CSMD1: variants seen among roughly 807,000 people sequenced by gnomAD.
The protein encoded by CSMD1 is CUB and Sushi multiple domains 1, also known as CUB and sushi domain-containing protein 1.
CSMD1 carries 213 observed loss-of-function variants against 417.5 expected under a neutral mutation model. That is an observed-to-expected ratio of 0.51 (90% CI 0.46 to 0.57). The LOEUF is 0.57. Ranked by LOEUF, CSMD1 falls within the 20% of genes least tolerant of loss-of-function variation. CSMD1 has a pLI of 0.00. For missense variants in CSMD1, 6,923 were observed against 4,529.7 expected, an observed-to-expected ratio of 1.53 and a Z score of -15.17; for synonymous variants, 2,862 against 1,736.8, an observed-to-expected ratio of 1.65 and a Z score of -16.11.
chr8:2,998,229 C>A, intron 53 of CSMD1, 45 bp from the exon 54 acceptor site: 1 of 1,580,198 alleles, frequency 6.3e-7, no homozygotes, highest in South Asian at 1.1e-5. Context: ...TTGAACAGGT[C>A]ATCACTTTCC....
chr8:3,429,047 A>G (rs1184258784), intron 12 of CSMD1, among the ~76,000 whole-genome samples: 1 of 152,142 alleles, frequency 6.6e-6, no homozygotes, highest in Non-Finnish European at 1.5e-5. Flanking sequence ...AGGCAGGAGG[A>G]CAGGAATGGG....
At chr8:3,262,230 T>TATATATATATATATATATATACAC (rs770901446) in intron 26 of CSMD1, among the ~76,000 whole-genome samples, 1 of 95,684 alleles carries the variant, frequency 1.0e-5, no homozygotes. Context: ...TATATATATA[T>TATATATATATATATATATATACAC]ACACACACAT....
intron 10 of CSMD1, among the ~76,000 whole-genome samples, chr8:3,542,425 A>G (rs1179638878): frequency 6.6e-6 from 1 of 152,156 alleles, no homozygotes. Flanking sequence ...CCGTTCTACG[A>G]TTGGATGTGC....
At chr8:4,731,089 C>A (rs952354720) in intron 1 of CSMD1, among the ~76,000 whole-genome samples, 2 of 152,168 alleles carry the variant, frequency 1.3e-5, no homozygotes, top group Non-Finnish European at 2.9e-5. Flanking sequence ...AGACCATTAC[C>A]AGCTGTAACC....
Position 3,083,642 on chromosome 8 carries a change from ATATATAT to A in CSMD1, c.7474+3448_7474+3454del, listed in dbSNP as rs1814295904. 1.4e-4 allele frequency among the ~76,000 whole-genome samples: 3 copies of A among 21,608 alleles called. 1 individual carries two copies. Among genetic ancestry groups the A allele is most frequent in the Non-Finnish European group, 2.3e-4 (3 of 13,048 alleles). 14.2% of individuals were successfully genotyped at this position (21,608 alleles called of 152,430 possible). ...TATATATATATATATATATATATAT[ATATATAT>A]TTTTTTTTTTTTTTTTTTTTTTTTT... is the stretch of plus-strand genomic sequence containing the variant. On this transcript the variant is annotated intron_variant, in intron 49 of 69. Coordinates refer to ENST00000635120, the MANE Select transcript of CSMD1 (RefSeq NM_033225.6).
At chr8:4,347,455 T>C (rs946489653) in intron 3 of CSMD1, among the ~76,000 whole-genome samples, 5 of 152,168 alleles carry the variant, frequency 3.3e-5, no homozygotes, top group African/African-American at 9.7e-5. Context: ...CAAGAGCTTA[T>C]ACCACATCTA....
At chr8:3,810,622 A>G (rs1405433035) in intron 5 of CSMD1, among the ~76,000 whole-genome samples, 4 of 152,160 alleles carry the variant, frequency 2.6e-5, no homozygotes, top group African/African-American at 9.6e-5. Context: ...GTGACTCATT[A>G]TTGGGGGACT....
chr8:4,232,277 C>T (rs1043343158), intron 3 of CSMD1, among the ~76,000 whole-genome samples: 10 of 152,208 alleles, frequency 6.6e-5, no homozygotes, highest in Admixed American at 3.9e-4. Context: ...TGGCTCACTG[C>T]AACCTCCGCC....
At chr8:2,968,524 T>G (rs1167039141) in intron 57 of CSMD1, among the ~76,000 whole-genome samples, 1 of 152,226 alleles carries the variant, frequency 6.6e-6, no homozygotes, top group African/African-American at 2.4e-5. Context: ...GCTATCCTAA[T>G]ATTGGGAATG....
chr8:4,118,263 C>T (rs1489255215), intron 3 of CSMD1, among the ~76,000 whole-genome samples: 11 of 151,758 alleles, frequency 7.2e-5, no homozygotes, highest in Admixed American at 7.2e-4. Flanking sequence ...TGAAACATGC[C>T]CTTAAGAAAT....
At chr8:3,624,033 G>C (rs1331655500) in intron 7 of CSMD1, among the ~76,000 whole-genome samples, 1 of 151,922 alleles carries the variant, frequency 6.6e-6, no homozygotes, top group African/African-American at 2.4e-5. Context: ...ATTACCTTAT[G>C]AGACATTATG....
At chr8:3,803,033 GA>G (rs1563095889) in intron 5 of CSMD1, among the ~76,000 whole-genome samples, 1 of 152,058 alleles carries the variant, frequency 6.6e-6, no homozygotes, top group Non-Finnish European at 1.5e-5. Context: ...ATGAAATCCA[GA>G]AAAAAATGCG....
At position 4,013,080 on chromosome 8, in the gene CSMD1, T is replaced by G. The variant is rs576746236; in HGVS notation, c.611-14970A>C. Among the ~76,000 whole-genome samples the G allele has an allele frequency of 1.6e-4, 25 of 152,272 alleles. No homozygotes were observed. In the South Asian group the frequency reaches 4.8e-3, roughly 29 times the overall value. On this transcript the variant is annotated intron_variant, in intron 4 of 69. Coordinates refer to ENST00000635120, the MANE Select transcript of CSMD1 (RefSeq NM_033225.6). The stretch of plus-strand genomic sequence containing the variant: ...GTTCTTTTCTCATAAGTAGCCAGAG[T>G]AATCCTCTCAAATGCTGTGTCACAC...
intron 2 of CSMD1, among the ~76,000 whole-genome samples, chr8:4,620,271 G>C (rs967031253): frequency 2.0e-5 from 3 of 151,510 alleles, no homozygotes; most frequent in Non-Finnish European, 4.4e-5. Flanking sequence ...CTATCTAAAA[G>C]TCTGTTCTCC....
intron 17 of CSMD1, among the ~76,000 whole-genome samples, chr8:3,389,432 C>G (rs1455861133): frequency 6.6e-6 from 1 of 152,044 alleles, no homozygotes; most frequent in African/African-American, 2.4e-5. Flanking sequence ...GCATCAAGAT[C>G]AAAATCAAGA....
At chr8:4,182,768 C>A (rs887007593) in intron 3 of CSMD1, among the ~76,000 whole-genome samples, 1 of 152,076 alleles carries the variant, frequency 6.6e-6, no homozygotes, top group African/African-American at 2.4e-5. Flanking sequence ...ACTAGTAATG[C>A]AGTCTCATAG....
intron 3 of CSMD1, among the ~76,000 whole-genome samples, chr8:4,117,459 G>C (rs1460784668): frequency 6.6e-6 from 1 of 152,106 alleles, no homozygotes; most frequent in African/African-American, 2.4e-5. Context: ...TCAGGGTTAT[G>C]ATCGTCTTAA....
rs1157456764 is a variant in CSMD1, at chr8:2,955,771, G to A, written c.9815-3C>T. The A allele has an allele frequency of 6.8e-6, 11 of 1,612,460 alleles. No individual in the cohort carries two copies. The highest frequency in any genetic ancestry group is 1.1e-5 in the South Asian group (1 of 90,914). On this transcript the variant is annotated splice_region_variant and splice_polypyrimidine_tract_variant and intron_variant, in intron 63 of 69. Transcript: ENST00000635120. ...TTCTGGCTGTCTGCAGGCATGAGCT[G>A]AAACAACATTAGGAAACATTGAGAC...
intron 3 of CSMD1, among the ~76,000 whole-genome samples, chr8:4,192,697 T>C (rs189793343): frequency 2.9e-4 from 44 of 152,356 alleles, no homozygotes; most frequent in Middle Eastern, 3.4e-3. Context: ...TCTGTATTGC[T>C]CACCAACATG....
Sources: allele counts gnomAD v4.1 joint callset (sites outside exome capture counted in the v4.1 genomes callset), GRCh38; gene constraint gnomAD v4.1.1; transcripts MANE v1.5; gene names NCBI Gene and HGNC (gene_info 2026-07-23, HGNC 2026-07-21).